Variants in SCAPER observed in about 807,000 individuals in gnomAD.
SCAPER encodes the protein S-phase cyclin A associated protein in the ER.
Under a neutral mutation model 182.2 loss-of-function variants are expected in SCAPER, and 98 were observed. The ratio of observed to expected loss-of-function variants is 0.54; its 90% CI spans 0.46 to 0.64. The LOEUF (loss-of-function observed/expected upper bound fraction) is 0.64, where lower values mean the gene tolerates loss of function less well. Ranked by LOEUF, SCAPER falls within the 30% of genes least tolerant of loss-of-function variation. The pLI, the probability that SCAPER is intolerant of heterozygous loss-of-function variation, is 0.00. For missense variants in SCAPER, 1,432 were observed against 1,690.0 expected (o/e 0.85, Z 2.68); for synonymous variants, 605 against 564.6 (o/e 1.07, Z -1.01).
At chr15:76,379,803 G>T (rs1482524568) in intron 28 of SCAPER, 1 of 151,734 alleles carries the variant, frequency 6.6e-6, no homozygotes, top group Non-Finnish European at 1.5e-5. Context: ...GTGAAGTTCA[G>T]TGGTGCGCCT....
At chr15:76,585,889 C>A (rs954792721) in intron 22 of SCAPER, among the ~76,000 whole-genome samples, 2 of 152,274 alleles carry the variant, frequency 1.3e-5, no homozygotes, top group Non-Finnish European at 2.9e-5. Flanking sequence ...AAAACAGGAG[C>A]TGCTTAGAGA....
At chr15:76,738,307 T>C (rs72740764) in intron 15 of SCAPER, among the ~76,000 whole-genome samples, 6,793 of 152,140 alleles carry the variant, frequency 0.045, 229 homozygotes, top group Non-Finnish European at 0.069. Flanking sequence ...TTTTAAAATG[T>C]TTTGGTAGAG....
intron 5 of SCAPER, among the ~76,000 whole-genome samples, chr15:76,833,618 G>A (rs2068691511): frequency 6.6e-6 from 1 of 152,104 alleles, no homozygotes; most frequent in Non-Finnish European, 1.5e-5. Context: ...TTCAAAAGAC[G>A]CATCTCACAT....
At chr15:76,475,544 C>T (rs1024918651) in intron 24 of SCAPER, among the ~76,000 whole-genome samples, 1 of 152,194 alleles carries the variant, frequency 6.6e-6, no homozygotes, top group African/African-American at 2.4e-5. Context: ...AACTCCTGAC[C>T]TCAGGTGATC....
chr15:76,743,962 C>T (rs1209126856), intron 15 of SCAPER, among the ~76,000 whole-genome samples: 1 of 152,024 alleles, frequency 6.6e-6, no homozygotes, highest in Non-Finnish European at 1.5e-5. Flanking sequence ...TGGAACAGAA[C>T]AGAAAATTCA....
intron 25 of SCAPER, among the ~76,000 whole-genome samples, chr15:76,459,295 G>A (rs948007938): frequency 2.0e-5 from 3 of 152,064 alleles, no homozygotes; most frequent in African/African-American, 4.8e-5. Flanking sequence ...TTCCATCTAC[G>A]TTTTTGCAAA....
chr15:76,639,808 T>C lies in SCAPER; in HGVS notation c.2646-17979A>G, dbSNP rs574538376. Among the ~76,000 whole-genome samples the C allele has an allele frequency of 7.7e-4, 117 of 152,048 alleles. 1 individual carries two copies. In the South Asian group the frequency reaches 1.0e-2, roughly 13 times the overall value. ...CCAACAAAACTATACCACTTAAAAG[T>C]TGTGTTAAACCACCATATATGTTAT... On this transcript the variant is annotated intron_variant, in intron 21 of 31. Coordinates refer to ENST00000563290, the MANE Select transcript of SCAPER (RefSeq NM_020843.4).
rs193074151 is a variant in SCAPER at position 76,522,035 on chromosome 15, G to T, written c.2839-17061C>A. Among the ~76,000 whole-genome samples, 775 of 152,130 alleles carry T rather than the reference G, an allele frequency of 5.1e-3. 3 individuals are homozygous for T. The highest frequency in any genetic ancestry group is 8.9e-3 in the Non-Finnish European group (608 of 67,968). ...TTAATTCAGAGAATGCTTTGTGCCCGCAAGAATTTAGTGTAAATTACACAT... is the reference window on the plus strand; with the variant it reads ...TTAATTCAGAGAATGCTTTGTGCCCTCAAGAATTTAGTGTAAATTACACAT... On this transcript the variant is annotated intron_variant, in intron 23 of 31. Coordinates refer to ENST00000563290, the MANE Select transcript of SCAPER (RefSeq NM_020843.4).
intron 24 of SCAPER, among the ~76,000 whole-genome samples, chr15:76,475,776 G>A (rs372923617): frequency 8.5e-5 from 13 of 152,322 alleles, no homozygotes; most frequent in Middle Eastern, 3.4e-3. Flanking sequence ...CCTTGAAAGC[G>A]TCCTTAGAGG....
intron 24 of SCAPER, among the ~76,000 whole-genome samples, chr15:76,484,397 T>C (rs1310327024): frequency 6.6e-6 from 1 of 151,456 alleles, no homozygotes; most frequent in Non-Finnish European, 1.5e-5. Context: ...CTAGAAGAAA[T>C]GAAAAAATTC....
intron 16 of SCAPER, among the ~76,000 whole-genome samples, chr15:76,729,922 C>A (rs1006014409): frequency 6.6e-6 from 1 of 152,058 alleles, no homozygotes; most frequent in African/African-American, 2.4e-5. Flanking sequence ...CCAGATAGCA[C>A]TCACAACCTC....
rs149247795 is a variant in SCAPER, at chr15:76,429,647, A to T, written c.3311+4431T>A. 1.4e-3 allele frequency among the ~76,000 whole-genome samples: 220 copies of T among 152,298 alleles called. 2 individuals are homozygous for T. Among genetic ancestry groups the T allele is most frequent in the African/African-American group, 4.8e-3 (199 of 41,574 alleles). Reference sequence around the variant, plus strand: ...GAGATGATTTAGGGTATCTGGCAGAAGAAATTTCTAAGCAGCAAAGCATTC... The same window carrying T: ...GAGATGATTTAGGGTATCTGGCAGATGAAATTTCTAAGCAGCAAAGCATTC... On this transcript the variant is annotated intron_variant, in intron 26 of 31. Coordinates refer to ENST00000563290, the MANE Select transcript of SCAPER (RefSeq NM_020843.4).
chr15:76,762,441 T>C (rs919882558), intron 14 of SCAPER, among the ~76,000 whole-genome samples: 2 of 151,864 alleles, frequency 1.3e-5, no homozygotes, highest in Non-Finnish European at 2.9e-5. Context: ...TTTGCCCTTG[T>C]GGTTACAACT....
At chr15:76,513,080 T>C (rs2144083199) in intron 23 of SCAPER, among the ~76,000 whole-genome samples, 1 of 152,234 alleles carries the variant, frequency 6.6e-6, no homozygotes, top group South Asian at 2.1e-4. Context: ...GCCCTATTCA[T>C]CCATCACCTC....
chr15:76,412,843 A>G (rs2045387723), intron 26 of SCAPER, among the ~76,000 whole-genome samples: 1 of 152,080 alleles, frequency 6.6e-6, no homozygotes, highest in Admixed American at 6.6e-5. Context: ...ATAATGTTTT[A>G]CCAATATTGA....
At chr15:76,530,960 T>C (rs1022734339) in intron 23 of SCAPER, among the ~76,000 whole-genome samples, 3 of 151,426 alleles carry the variant, frequency 2.0e-5, no homozygotes, top group South Asian at 2.1e-4. Context: ...TACAGGTATA[T>C]ATGTGTATAT....
intron 16 of SCAPER, among the ~76,000 whole-genome samples, chr15:76,729,210 T>C (rs1158064602): frequency 6.6e-6 from 1 of 151,588 alleles, no homozygotes; most frequent in Admixed American, 6.6e-5. Flanking sequence ...TTGTGGGACC[T>C]TGTGATTGTG....
At chr15:76,516,508 C>G (rs953191311) in intron 23 of SCAPER, among the ~76,000 whole-genome samples, 1 of 151,968 alleles carries the variant, frequency 6.6e-6, no homozygotes, top group Non-Finnish European at 1.5e-5. Flanking sequence ...ATGATGGTTT[C>G]CAGCTTCATC....
intron 26 of SCAPER, among the ~76,000 whole-genome samples, chr15:76,416,213 G>T (rs181617495): frequency 7.9e-5 from 12 of 151,950 alleles, no homozygotes; most frequent in Admixed American, 7.2e-4. Context: ...GGTGGCTCAC[G>T]CCTGTAATCC....
Sources: allele counts gnomAD v4.1 joint callset (sites outside exome capture counted in the v4.1 genomes callset), GRCh38; gene constraint gnomAD v4.1.1; transcripts MANE v1.5; gene names NCBI Gene and HGNC (gene_info 2026-07-23, HGNC 2026-07-21).